Variants in KDM6A observed in about 807,000 individuals in gnomAD.
The protein encoded by KDM6A is lysine demethylase 6A.
Under a neutral mutation model 117.6 loss-of-function variants are expected in KDM6A, and 11 were observed. The ratio of observed to expected loss-of-function variants is 0.09; its 90% CI spans 0.06 to 0.15. KDM6A has a LOEUF of 0.15. Ranked by LOEUF, KDM6A falls within the 10% of genes least tolerant of loss-of-function variation. KDM6A has a pLI of 1.00. For synonymous variants in KDM6A, 384 were observed against 396.1 expected (o/e 0.97, Z 0.36); for missense variants, 799 against 1,077.3 (o/e 0.74, Z 3.62).
intron 4 of KDM6A, among the ~76,000 whole-genome samples, chrX:44,989,032 C>T (rs12853941): frequency 9.2e-6 from 1 of 108,170 alleles, no homozygotes; most frequent in African/African-American, 3.4e-5. Context: ...AGGCAGGCCT[C>T]CTTGACCTGT....
intron 2 of KDM6A, among the ~76,000 whole-genome samples, chrX:44,920,877 CT>C (rs778080296): frequency 1.9e-3 from 154 of 81,380 alleles, no homozygotes; most frequent in Middle Eastern, 6.5e-3. Context: ...TTTTCTTTTT[CT>C]TTTTTTTTTT....
chrX:45,089,871 A>G lies in KDM6A; in HGVS notation c.3833A>G (p.His1278Arg). ...GTCTGGATAAATGCAGGCACTGTTCATTGGGTTCAGGCTATTGGCTGGTGC... is the reference window on the plus strand; with the variant it reads ...GTCTGGATAAATGCAGGCACTGTTCGTTGGGTTCAGGCTATTGGCTGGTGC... ...DLVWINAGTV[H>R]WVQAIGWCNN... The change falls in exon 26 of 30, where the codon CAT (histidine) becomes CGT (arginine). Residue 1278 changes from histidine (H) to arginine (R), a missense_variant. Transcript: ENST00000611820. 2 of 1,211,365 alleles carry G rather than the reference A, an allele frequency of 1.7e-6. No individual in the cohort carries two copies.
At chrX:44,915,900 A>C (rs1023101303) in intron 2 of KDM6A, among the ~76,000 whole-genome samples, 3 of 111,573 alleles carry the variant, frequency 2.7e-5, no homozygotes, top group Admixed American at 9.6e-5. Context: ...CCTTTTAATG[A>C]ACAGGAGAAA....
intron 2 of KDM6A, among the ~76,000 whole-genome samples, chrX:44,944,534 C>T (rs1025072711): frequency 1.8e-5 from 2 of 111,625 alleles, no homozygotes; most frequent in East Asian, 5.6e-4. Context: ...GCTATTGAGT[C>T]TCCCAATTTC....
chrX:45,043,030 C>T lies in KDM6A; in HGVS notation c.654+5341C>T, dbSNP rs141549930. Among the ~76,000 whole-genome samples the T allele has an allele frequency of 6.7e-3, 758 of 112,781 alleles. 7 individuals carry two copies. The highest frequency in any genetic ancestry group is 0.023 in the African/African-American group (706 of 31,072). On this transcript the variant is annotated intron_variant, in intron 8 of 29. Coordinates refer to ENST00000611820, the MANE Select transcript of KDM6A (RefSeq NM_001291415.2). ...CGTGGCCGAGCGCAGTGGTTCATGC[C>T]TGTAATCCCAGCACTTTGGGAGGCC...
At chrX:45,008,654 G>T (rs1425385086) in intron 4 of KDM6A, among the ~76,000 whole-genome samples, 1 of 111,379 alleles carries the variant, frequency 9.0e-6, no homozygotes, top group East Asian at 2.8e-4. Context: ...AGCAGGGGAA[G>T]TATATTTTAT....
intron 2 of KDM6A, among the ~76,000 whole-genome samples, chrX:44,934,982 A>G (rs1044741005): frequency 8.9e-6 from 1 of 111,736 alleles, no homozygotes; most frequent in Admixed American, 9.5e-5. Context: ...CGGTAGTGTT[A>G]TATCACGGAG....
At chrX:45,082,059 A>G (rs924642754) in intron 21 of KDM6A, among the ~76,000 whole-genome samples, 14 of 109,774 alleles carry the variant, frequency 1.3e-4, no homozygotes, top group Non-Finnish European at 2.5e-4. Context: ...GATTACAGGC[A>G]TGAGCCACTG....
chrX:45,106,322 T>C (rs2046529562), intron 27 of KDM6A, among the ~76,000 whole-genome samples: 1 of 111,514 alleles, frequency 9.0e-6, no homozygotes, highest in African/African-American at 3.3e-5. Flanking sequence ...TACATAACAA[T>C]ACTTTAACAT....
intron 2 of KDM6A, among the ~76,000 whole-genome samples, chrX:44,946,890 CTT>C (rs1321151045): frequency 1.8e-5 from 2 of 111,451 alleles, no homozygotes; most frequent in Admixed American, 1.9e-4. Flanking sequence ...CACCAGCTCT[CTT>C]GATTTCTGTA....
chrX:45,081,147 G>A lies in KDM6A; in HGVS notation c.3301-1429G>A, dbSNP rs113876395. ...GGGTTTCTCCATGTTGGTCAGGGTG[G>A]TCTCGAACTCCCAACCTCAGGTGAT... On this transcript the variant is annotated intron_variant, in intron 21 of 29. Coordinates refer to ENST00000611820, the MANE Select transcript of KDM6A (RefSeq NM_001291415.2). 7.6e-3 allele frequency among the ~76,000 whole-genome samples: 847 copies of A among 111,671 alleles called. 14 individuals are homozygous for A. Among genetic ancestry groups the A allele is most frequent in the African/African-American group, 0.026 (813 of 30,721 alleles).
chrX:45,077,767 T>C (rs1385257614), intron 19 of KDM6A, among the ~76,000 whole-genome samples: 1 of 111,883 alleles, frequency 8.9e-6, no homozygotes, highest in African/African-American at 3.2e-5. Context: ...TCCTCTCTTA[T>C]ATTGTGATTT....
rs181315510 is a variant in KDM6A at position 44,883,329 on chromosome X, C to T, written c.225+9342C>T. 4.2e-3 allele frequency among the ~76,000 whole-genome samples: 467 copies of T among 110,454 alleles called. 2 individuals are homozygous for T. Among genetic ancestry groups the T allele is most frequent in the Non-Finnish European group, 7.2e-3 (382 of 52,842 alleles). On this transcript the variant is annotated intron_variant, in intron 2 of 29. Coordinates refer to ENST00000611820, the MANE Select transcript of KDM6A (RefSeq NM_001291415.2). ...CAAGGTATCTGCCCGTGTCAGCCTC[C>T]ATAGGTCCTGGGATTACAGGTGTGA...
At chrX:45,101,127 A>G (rs1045663158) in intron 27 of KDM6A, among the ~76,000 whole-genome samples, 5 of 111,457 alleles carry the variant, frequency 4.5e-5, no homozygotes, top group African/African-American at 1.3e-4. Context: ...CTTAGAGTCT[A>G]TGCTATTTAA....
rs1186964201 is a variant in KDM6A, at chrX:44,873,621, A to C, written c.70A>C (p.Lys24Gln). The C allele has an allele frequency of 1.7e-6, 2 of 1,203,272 alleles. No individual in the cohort carries two copies. Among genetic ancestry groups the C allele is most frequent in the African/African-American group, 1.7e-5 (1 of 57,881 alleles). Reference sequence around the variant, plus strand: ...CGCCGCTTTCGGTGATGAGGAAAAGAAAATGGCGGCGGGAAAAGCGAGCGG... The same window carrying C: ...CGCCGCTTTCGGTGATGAGGAAAAGCAAATGGCGGCGGGAAAAGCGAGCGG... ...AAAAFGDEEK[K>Q]MAAGKASGES... is the part of the protein sequence containing the mutation. Residue 24 changes from lysine (K) to glutamine (Q), a missense_variant, in exon 1 of 30, where the codon AAA becomes CAA. Physicochemically the swap from Lys to Gln is moderately conservative, Grantham distance 53 (BLOSUM62 1). This residue lies in a region of KDM6A where 89 missense variants were observed against 117.8 expected (regional missense o/e 0.76). Coordinates refer to ENST00000611820, the MANE Select transcript of KDM6A (RefSeq NM_001291415.2).
At chrX:45,038,643 C>A (rs764804877) in intron 8 of KDM6A, among the ~76,000 whole-genome samples, 51 of 108,435 alleles carry the variant, frequency 4.7e-4, no homozygotes, top group African/African-American at 1.6e-3. Context: ...GGACAAACAC[C>A]TAATGCACGT....
intron 2 of KDM6A, among the ~76,000 whole-genome samples, chrX:44,952,774 G>A (rs1378658069): frequency 9.1e-6 from 1 of 110,066 alleles, no homozygotes; most frequent in East Asian, 2.9e-4. Flanking sequence ...CAGTTGTTTT[G>A]TTGTTGTTGT....
intron 4 of KDM6A, among the ~76,000 whole-genome samples, chrX:44,975,823 A>G (rs1039368150): frequency 3.6e-5 from 4 of 111,919 alleles, no homozygotes; most frequent in Non-Finnish European, 7.5e-5. Flanking sequence ...TGTGCAGATA[A>G]GGGAACCTGC....
At chrX:45,035,016 C>T (rs1334622231) in intron 7 of KDM6A, 31 bp downstream of exon 7, 13 of 1,024,141 alleles carry the variant, frequency 1.3e-5, no homozygotes, top group Non-Finnish European at 1.8e-5. Flanking sequence ...TAGTTTTCTA[C>T]ATGTATTCCG....
Sources: gnomAD v4.1 joint callset for allele counts (sites outside exome capture counted in the v4.1 genomes callset) on GRCh38, gnomAD v4.1.1 for gene constraint, gnomAD v4.1.1 regional missense constraint, MANE v1.5 for transcripts, NCBI Gene and HGNC (gene_info 2026-07-23, HGNC 2026-07-21) for gene names.